CACNA2D1: variants seen among roughly 807,000 people sequenced by gnomAD.
CACNA2D1 encodes calcium voltage-gated channel auxiliary subunit alpha2delta 1, also known as voltage-dependent calcium channel subunit alpha-2/delta-1.
Under a neutral mutation model 171.5 loss-of-function variants are expected in CACNA2D1, and 53 were observed. That is an observed-to-expected ratio of 0.31 (90% CI 0.25 to 0.39). CACNA2D1 has a LOEUF of 0.39. Ranked by LOEUF, CACNA2D1 falls within the 10% of genes least tolerant of loss-of-function variation. The pLI, the probability that CACNA2D1 is intolerant of heterozygous loss-of-function variation, is 1.00. For synonymous variants in CACNA2D1, 442 were observed against 443.1 expected (o/e 1.00, Z 0.03); for missense variants, 903 against 1,299.8 (o/e 0.69, Z 4.69).
chr7:82,311,843 G>GA (rs376543312), intron 3 of CACNA2D1, among the ~76,000 whole-genome samples: 218 of 152,198 alleles, frequency 1.4e-3, no homozygotes, highest in African/African-American at 4.7e-3. Flanking sequence ...AACAGACTTG[G>GA]AAAAAGACTG....
Position 82,047,027 on chromosome 7 carries a change from T to C in CACNA2D1, c.880-8792A>G, listed in dbSNP as rs555490625. On this transcript the variant is annotated intron_variant, in intron 10 of 38. Transcript: ENST00000356860. ...TGAAGCCATTGAAAGTATGCTGTTC[T>C]TTTACTTGAAATGTAAACTGAATTT... Among the ~76,000 whole-genome samples, 29 of 152,254 alleles carry C rather than the reference T, an allele frequency of 1.9e-4. No individual in the cohort carries two copies. In the South Asian group the frequency reaches 4.4e-3, roughly 23 times the overall value.
intron 16 of CACNA2D1, 137 bp from the exon 17 acceptor site, chr7:82,005,976 C>A: frequency 1.4e-6 from 1 of 691,778 alleles, no homozygotes; most frequent in Admixed American, 2.1e-5. Flanking sequence ...GTGAAGCACT[C>A]TCAGTGTCAA....
chr7:82,172,999 C>T (rs923604271), intron 3 of CACNA2D1, among the ~76,000 whole-genome samples: 10 of 151,996 alleles, frequency 6.6e-5, no homozygotes, highest in Middle Eastern at 3.2e-3. Flanking sequence ...AAACAAAACA[C>T]ACTAGTGAGC....
chr7:82,270,651 A>G (rs566626305), intron 3 of CACNA2D1, among the ~76,000 whole-genome samples: 8 of 152,228 alleles, frequency 5.3e-5, no homozygotes, highest in African/African-American at 1.9e-4. Context: ...TTTCTGTGAA[A>G]TGGATATCCA....
At chr7:82,110,266 G>T (rs1337309962) in intron 6 of CACNA2D1, among the ~76,000 whole-genome samples, 1 of 152,152 alleles carries the variant, frequency 6.6e-6, no homozygotes, top group Admixed American at 6.5e-5. Flanking sequence ...ATATTATCAG[G>T]AGATGGGGCT....
chr7:81,954,448 C>A (rs1792978666), intron 38 of CACNA2D1, among the ~76,000 whole-genome samples: 1 of 151,936 alleles, frequency 6.6e-6, no homozygotes, highest in Non-Finnish European at 1.5e-5. Context: ...AAAATCTAAA[C>A]CATAGTAAAA....
intron 5 of CACNA2D1, among the ~76,000 whole-genome samples, chr7:82,134,478 C>A (rs1201127887): frequency 1.3e-5 from 2 of 152,090 alleles, no homozygotes; most frequent in South Asian, 2.1e-4. Context: ...ACACTCTTTG[C>A]GAATTATTCT....
chr7:82,376,367 T>C (rs1042863174), intron 1 of CACNA2D1, among the ~76,000 whole-genome samples: 5 of 152,164 alleles, frequency 3.3e-5, no homozygotes, highest in African/African-American at 1.2e-4. Context: ...AACCTAACAC[T>C]CATGATTTTA....
intron 1 of CACNA2D1, among the ~76,000 whole-genome samples, chr7:82,407,143 G>A (rs954855630): frequency 3.9e-5 from 6 of 152,138 alleles, no homozygotes; most frequent in South Asian, 4.1e-4. Flanking sequence ...CTGCCTGACA[G>A]GTGTCTTCAA....
intron 24 of CACNA2D1, among the ~76,000 whole-genome samples, chr7:81,974,998 G>T (rs1795687063): frequency 1.3e-5 from 2 of 151,318 alleles, no homozygotes; most frequent in Admixed American, 1.3e-4. Context: ...AAACCTGCAC[G>T]TTCTGCACAT....
At chr7:82,303,468 AC>A (rs1813312210) in intron 3 of CACNA2D1, among the ~76,000 whole-genome samples, 1 of 151,654 alleles carries the variant, frequency 6.6e-6, no homozygotes, top group African/African-American at 2.4e-5. Context: ...AAAAAAAAAA[AC>A]TCAAGTAGCC....
chr7:82,443,044 C>A (rs916391908), intron 1 of CACNA2D1, among the ~76,000 whole-genome samples: 2 of 152,232 alleles, frequency 1.3e-5, no homozygotes, highest in Non-Finnish European at 2.9e-5. Flanking sequence ...ACTTTTTTCC[C>A]CAGTACGGCT....
At chr7:82,007,536 A>G (rs1273074802) in intron 16 of CACNA2D1, 143 bp downstream of exon 16, 1 of 610,776 alleles carries the variant, frequency 1.6e-6, no homozygotes, top group Non-Finnish European at 3.0e-6. Context: ...TGGTTATCGC[A>G]TAGGCAGCTG....
At position 82,085,698 on chromosome 7, in the gene CACNA2D1, C is replaced by G. The variant is rs533204243; in HGVS notation, c.527-798G>C. On this transcript the variant is annotated intron_variant, in intron 6 of 38. Coordinates refer to ENST00000356860, the MANE Select transcript of CACNA2D1 (RefSeq NM_000722.4). ...TTCATAAACAATAGTTTTTTTTTTT[C>G]TCCTGGTTATTTCTATTAATAATTA... is the stretch of plus-strand genomic sequence containing the variant. Among the ~76,000 whole-genome samples, 94 of 141,458 alleles carry G rather than the reference C, an allele frequency of 6.6e-4. 2 individuals carry two copies. Among genetic ancestry groups the G allele is most frequent in the Non-Finnish European group, 9.3e-4 (59 of 63,728 alleles). The allele number at this position is 141,458 out of a possible 152,430, so 92.8% of individuals were successfully genotyped here. A position where few individuals can be genotyped will look rare whatever the true frequency, so the allele number is the denominator to read the frequency against.
At chr7:82,214,594 A>T (rs1319600152) in intron 3 of CACNA2D1, among the ~76,000 whole-genome samples, 10 of 152,136 alleles carry the variant, frequency 6.6e-5, no homozygotes, top group Admixed American at 5.9e-4. Context: ...CTGGAATAAA[A>T]CTATATCATC....
At chr7:82,311,903 T>A (rs1341789210) in intron 3 of CACNA2D1, among the ~76,000 whole-genome samples, 4 of 152,142 alleles carry the variant, frequency 2.6e-5, no homozygotes, top group Non-Finnish European at 5.9e-5. Context: ...CCGACCTTGT[T>A]GTGATAAGTA....
At chr7:82,016,708 T>C (rs1230928155) in intron 12 of CACNA2D1, among the ~76,000 whole-genome samples, 1 of 150,054 alleles carries the variant, frequency 6.7e-6, no homozygotes, top group African/African-American at 2.4e-5. Context: ...CCCTCAGAGG[T>C]TGTCAAAATT....
chr7:82,418,450 T>G (rs1323853611), intron 1 of CACNA2D1, among the ~76,000 whole-genome samples: 2 of 152,168 alleles, frequency 1.3e-5, no homozygotes, highest in Admixed American at 1.3e-4. Context: ...TTATTTCTTC[T>G]TTGTAGAAAG....
At chr7:82,375,910 A>G (rs1822969822) in intron 1 of CACNA2D1, among the ~76,000 whole-genome samples, 1 of 152,110 alleles carries the variant, frequency 6.6e-6, no homozygotes, top group Admixed American at 6.6e-5. Flanking sequence ...AATGACTGAA[A>G]ACACATTGGC....
Sources: allele counts gnomAD v4.1 joint callset (sites outside exome capture counted in the v4.1 genomes callset), GRCh38; gene constraint gnomAD v4.1.1; transcripts MANE v1.5; gene names NCBI Gene and HGNC (gene_info 2026-07-23, HGNC 2026-07-21).